SIRT6: variants seen among roughly 807,000 people sequenced by gnomAD.
SIRT6 encodes the protein sirtuin 6, also known as NAD-dependent protein deacylase sirtuin-6.
Under a neutral mutation model 33.6 loss-of-function variants are expected in SIRT6, and 21 were observed. That is an observed-to-expected ratio of 0.62 (90% CI 0.44 to 0.90). The LOEUF is 0.90. Among genes scored for constraint, SIRT6 ranks in the 40% least tolerant of loss-of-function variants. SIRT6 has a pLI of 0.00. For missense variants in SIRT6, 504 were observed against 510.6 expected, an observed-to-expected ratio of 0.99 and a Z score of 0.12; for synonymous variants, 221 against 223.9, an observed-to-expected ratio of 0.99 and a Z score of 0.12.
rs772254664 is a variant in SIRT6, at chr19:4,174,735, T to C, written c.950A>G (p.Gln317Arg). Residue 317 changes from glutamine (Q) to arginine (R), a missense_variant, in exon 8 of 8, where the codon CAG becomes CGG. Physicochemically the swap from Gln to Arg is conservative, Grantham distance 43. Transcript: ENST00000337491. The surrounding 1 kb of genome is among the most constrained non-coding windows in gnomAD (Gnocchi z 4.2). The part of the protein sequence containing the change: ...INGSIPAGPK[Q>R]EPCAQHNGSE... ...GCCGTTGTGCTGGGCGCAGGGCTCC[T>C]GCTTGGGGCCGGCGGGGATAGAGCC... 3.1e-5 allele frequency: 45 copies of C among 1,429,450 alleles called. No homozygotes were observed. The South Asian group carries it at 5.0e-4, about 16-fold the overall frequency. The allele number at this position is 1,429,450 out of a possible 1,614,324, so 88.5% of individuals were successfully genotyped here.
intron 3 of SIRT6, among the ~76,000 whole-genome samples, chr19:4,178,662 C>T (rs972551106): frequency 3.4e-4 from 52 of 152,040 alleles, no homozygotes; most frequent in African/African-American, 6.5e-4. Context: ...CCAGCCTGGC[C>T]AACATGGAGA....
chr19:4,176,269 G>A (rs982653882), intron 4 of SIRT6, among the ~76,000 whole-genome samples: 1 of 152,202 alleles, frequency 6.6e-6, no homozygotes, highest in Non-Finnish European at 1.5e-5. Context: ...TAGAGAAGGC[G>A]ATGTCCACTT....
At chr19:4,175,638 G>A (rs376058770) in intron 6 of SIRT6, 42 bp downstream of exon 6, 12 of 1,450,092 alleles carry the variant, frequency 8.3e-6, no homozygotes, top group African/African-American at 7.1e-5. Context: ...CTGTCGTCCC[G>A]CCCCGCCCCA....
intron 6 of SIRT6, 66 bp from the exon 7 acceptor site, chr19:4,175,217 G>C (rs1316875071): frequency 6.5e-7 from 1 of 1,531,244 alleles, no homozygotes; most frequent in Admixed American, 1.9e-5. Context: ...GCCAGCCCTG[G>C]GGGCCGGTTC....
At position 4,175,953 on chromosome 19, in the gene SIRT6, A is replaced by AG. The variant is rs1967279368; in HGVS notation, c.438-17dup. 1.3e-6 allele frequency: 2 copies of AG among 1,556,274 alleles called. No individual in the cohort carries two copies. Among genetic ancestry groups the AG allele is most frequent in the Non-Finnish European group, 1.7e-6 (2 of 1,149,922 alleles). ...GACGTACTGCCTGTGTCAGGGAGGA[A>AG]GGGGGAGGATGGGACCAGGTGAGCT... On this transcript the variant is annotated splice_polypyrimidine_tract_variant and intron_variant, in intron 4 of 7. Coordinates refer to ENST00000337491, the MANE Select transcript of SIRT6 (RefSeq NM_016539.4).
At chr19:4,177,230 A>C in intron 3 of SIRT6, 92 bp from the exon 4 acceptor site, 1 of 1,244,318 alleles carries the variant, frequency 8.0e-7, no homozygotes, top group Non-Finnish European at 1.2e-6. Context: ...TCCTCCAGGA[A>C]GGCTTCCCGG....
intron 4 of SIRT6, among the ~76,000 whole-genome samples, chr19:4,176,618 C>T (rs995131341): frequency 1.3e-5 from 2 of 152,058 alleles, no homozygotes; most frequent in African/African-American, 2.4e-5. Context: ...GATAAGAAGG[C>T]CCCTGTGGCT....
chr19:4,176,578 G>T (rs1009165263), intron 4 of SIRT6, among the ~76,000 whole-genome samples: 2 of 152,062 alleles, frequency 1.3e-5, no homozygotes, highest in Non-Finnish European at 2.9e-5. Context: ...GACAGAGCGG[G>T]ACTGTCTCAA....
At position 4,175,744 on chromosome 19, in the gene SIRT6, T is replaced by C. The variant is rs1269079692; in HGVS notation, c.550A>G (p.Thr184Ala). The change falls in exon 6 of 8, where the codon ACC (threonine) becomes GCC (alanine). Residue 184 changes from threonine (T) to alanine (A), a missense_variant. Coordinates refer to ENST00000337491, the MANE Select transcript of SIRT6 (RefSeq NM_016539.4). Reference protein sequence around the residue: ...LRACRGELRDTILDWEDSLPD... With the variant: ...LRACRGELRDAILDWEDSLPD... ...AGGGAGTCCTCCCAGTCTAGGATGGTGTCCCTCAGCTCTCCCCTGCAATGA... is the reference window on the plus strand; with the variant it reads ...AGGGAGTCCTCCCAGTCTAGGATGGCGTCCCTCAGCTCTCCCCTGCAATGA... 6.3e-7 allele frequency: 1 copy of C among 1,585,384 alleles called. No individual in the cohort carries two copies. The highest frequency in any genetic ancestry group is 8.6e-7 in the Non-Finnish European group (1 of 1,165,756).
intron 4 of SIRT6, 33 bp downstream of exon 4, chr19:4,177,046 G>C (rs748020555): frequency 6.3e-7 from 1 of 1,599,654 alleles, no homozygotes; most frequent in Non-Finnish European, 8.5e-7. Flanking sequence ...CCCTCTGGCA[G>C]AGCCCCCACC....
intron 3 of SIRT6, 25 bp from the exon 4 acceptor site, chr19:4,177,163 T>C: frequency 6.2e-7 from 1 of 1,612,774 alleles, no homozygotes; most frequent in Non-Finnish European, 8.5e-7. Context: ...GGAAGAGGCT[T>C]GATGGTGGGA....
At chr19:4,178,226 C>T (rs1285064891) in intron 3 of SIRT6, among the ~76,000 whole-genome samples, 2 of 151,916 alleles carry the variant, frequency 1.3e-5, no homozygotes, top group African/African-American at 4.8e-5. Flanking sequence ...GGGGTTTCAA[C>T]ATGTTGGCCA....
At chr19:4,181,413 C>T (rs1967654992) in intron 1 of SIRT6, among the ~76,000 whole-genome samples, 2 of 152,190 alleles carry the variant, frequency 1.3e-5, no homozygotes, top group Non-Finnish European at 2.9e-5. Context: ...GGTTTTTAAT[C>T]TGTGTTGCTC....
chr19:4,178,175 C>T (rs889554833), intron 3 of SIRT6, among the ~76,000 whole-genome samples: 52 of 151,724 alleles, frequency 3.4e-4, no homozygotes, highest in African/African-American at 1.1e-3. Flanking sequence ...TACAGGCATG[C>T]GCCACCACGC....
At position 4,179,205 on chromosome 19, in the gene SIRT6, C is replaced by A. The variant is rs146571039; in HGVS notation, c.276G>T (p.Thr92=). 10 of 1,611,716 alleles carry A rather than the reference C, an allele frequency of 6.2e-6. No homozygotes were observed. The highest frequency in any genetic ancestry group is 8.5e-6 in the Non-Finnish European group (10 of 1,179,456). The change falls in exon 3 of 8, where the codon ACG becomes ACT. Residue 92 remains threonine (T), a synonymous_variant. Transcript: ENST00000337491. The stretch of plus-strand genomic sequence containing the variant: ...GCTGCACCAGCGCCATGTGGGTCTG[C>A]GTGGGCCGCGCGCTCTCAAAGGTGG... ...FDTTFESARP[T]QTHMALVQLE...
Position 4,175,884 on chromosome 19 carries a change from C to G in SIRT6, c.491G>C (p.Arg164Pro). 6.4e-7 allele frequency: 1 copy of G among 1,567,968 alleles called. No individual in the cohort carries two copies. The highest frequency in any genetic ancestry group is 8.6e-7 in the Non-Finnish European group (1 of 1,156,720). Residue 164 changes from arginine to proline, a missense_variant, in exon 5 of 8, where the codon CGG (arginine) becomes CCG (proline). Arg to Pro is a moderately radical substitution (Grantham distance 103, BLOSUM62 -2). Coordinates refer to ENST00000337491, the MANE Select transcript of SIRT6 (RefSeq NM_016539.4). ...CCTTGCCTTAGCCACGGTGCAGAGC[C>G]GGCCCGTGGCCTTCAGGCCCATGGT... is the stretch of plus-strand genomic sequence containing the variant. The part of the protein sequence containing the change: ...VGTMGLKATG[R>P]LCTVAKARGL...
Position 4,174,613 on chromosome 19 carries a change from C to G in SIRT6, c.*4G>C. ...AAAAGCCCCACCCTCCCCAAGCACC[C>G]TGGTCAGCTGGGGACCGCCTTGGCC... On this transcript the variant is annotated 3_prime_UTR_variant, in exon 8 of 8. Coordinates refer to ENST00000337491, the MANE Select transcript of SIRT6 (RefSeq NM_016539.4). The surrounding 1 kb of genome is among the most constrained non-coding windows in gnomAD (Gnocchi z 4.2). 7.0e-7 allele frequency: 1 copy of G among 1,430,718 alleles called. No homozygotes were observed. The highest frequency in any genetic ancestry group is 9.2e-7 in the Non-Finnish European group (1 of 1,089,540). The allele number at this position is 1,430,718 out of a possible 1,614,324, so 88.6% of individuals were successfully genotyped here.
chr19:4,180,334 C>G (rs1054838133), intron 2 of SIRT6, among the ~76,000 whole-genome samples: 1 of 151,842 alleles, frequency 6.6e-6, no homozygotes, highest in Non-Finnish European at 1.5e-5. Context: ...ATCAGGTGAC[C>G]GTGTTCTGGC....
In SIRT6 at chr19:4,182,474, C is replaced by T. The variant is rs1967766851; in HGVS notation, c.66G>A (p.Glu22=). The T allele has an allele frequency of 1.9e-6, 3 of 1,609,774 alleles. No individual in the cohort carries two copies. Among genetic ancestry groups the T allele is most frequent in the Non-Finnish European group, 8.5e-7 (1 of 1,178,526 alleles). The change falls in exon 1 of 8, where the codon GAG becomes GAA. Residue 22 remains glutamate (E), a splice_region_variant and synonymous_variant. Transcript: ENST00000337491. The stretch of plus-strand genomic sequence containing the variant: ...GCTCGGGACCCTCAGACGCGCTCAC[C>T]TCCGGGAGGCCGCACTTGCCCTTGT... ...YADKGKCGLP[E]IFDPPEELER...
Sources: allele counts gnomAD v4.1 joint callset (sites outside exome capture counted in the v4.1 genomes callset), GRCh38; gene constraint gnomAD v4.1.1; non-coding constraint Gnocchi (gnomAD v3.1); transcripts MANE v1.5; gene names NCBI Gene and HGNC (gene_info 2026-07-23, HGNC 2026-07-21).